The following HPSE2 variants were observed in gnomAD, a reference collection of about 807,000 sequenced individuals.
HPSE2 encodes inactive heparanase-2.
HPSE2 carries 38 observed loss-of-function variants against 60.5 expected under a neutral mutation model. The observed-to-expected ratio is 0.63, with a 90% CI of 0.48 to 0.82. The LOEUF (loss-of-function observed/expected upper bound fraction) is 0.82, where lower values mean the gene tolerates loss of function less well. Ranked by LOEUF, HPSE2 falls within the 40% of genes least tolerant of loss-of-function variation. The pLI, the probability that HPSE2 is intolerant of heterozygous loss-of-function variation, is 0.00. For missense variants in HPSE2, 713 were observed against 740.4 expected, an observed-to-expected ratio of 0.96 and a Z score of 0.43; for synonymous variants, 295 against 293.2, an observed-to-expected ratio of 1.01 and a Z score of -0.06.
chr10:98,493,907 G>A (rs1941744033), intron 9 of HPSE2, among the ~76,000 whole-genome samples: 1 of 151,918 alleles, frequency 6.6e-6, no homozygotes, highest in Admixed American at 6.6e-5. Flanking sequence ...ATATTTTTTA[G>A]TGAAATGTTT....
At position 98,689,579 on chromosome 10, in the gene HPSE2, C is replaced by T. The variant is rs985213857; in HGVS notation, c.1004+4321G>A. 3.9e-5 allele frequency among the ~76,000 whole-genome samples: 6 copies of T among 152,108 alleles called. No individual in the cohort carries two copies. In the East Asian group the frequency reaches 1.2e-3, roughly 29 times the overall value. ...AATCCTTGTCAGCTAATTCTAATAC[C>T]TGGGTCATCTCAAGGTTTCTATTTA... On this transcript the variant is annotated intron_variant, in intron 6 of 11. Transcript: ENST00000370552.
intron 6 of HPSE2, among the ~76,000 whole-genome samples, chr10:98,692,556 C>T (rs991704362): frequency 4.9e-4 from 74 of 152,136 alleles, no homozygotes; most frequent in Non-Finnish European, 2.9e-4. Context: ...ATCACGAGGT[C>T]AGGAGATCAA....
At chr10:99,173,742 G>A (rs767126297) in intron 2 of HPSE2, among the ~76,000 whole-genome samples, 12 of 151,924 alleles carry the variant, frequency 7.9e-5, no homozygotes, top group South Asian at 2.1e-4. Context: ...TCAGGAGTTC[G>A]AGACCAGCCT....
At chr10:99,014,444 G>T (rs1957089242) in intron 3 of HPSE2, among the ~76,000 whole-genome samples, 1 of 152,174 alleles carries the variant, frequency 6.6e-6, no homozygotes, top group Non-Finnish European at 1.5e-5. Context: ...ATAATAGAAT[G>T]CTTTGTATTC....
intron 2 of HPSE2, among the ~76,000 whole-genome samples, chr10:99,182,680 C>A (rs1441311176): frequency 2.0e-5 from 3 of 151,880 alleles, no homozygotes; most frequent in African/African-American, 2.4e-5. Flanking sequence ...TAACAGGAAC[C>A]AGATTAACCA....
At chr10:99,285,068 A>T in the HPSE2 span, among the ~76,000 whole-genome samples, 130,094 of 151,992 alleles carry the variant, frequency 0.86, 56,043 homozygotes, top group African/African-American at 0.92. Flanking sequence ...TTATTTTAGA[A>T]TCAGGGGCAC....
At chr10:98,827,363 G>A (rs575538367) in intron 3 of HPSE2, among the ~76,000 whole-genome samples, 11 of 151,726 alleles carry the variant, frequency 7.2e-5, no homozygotes, top group Admixed American at 1.3e-4. Flanking sequence ...GCACCACCAC[G>A]CCCGGCTAAT....
intron 3 of HPSE2, among the ~76,000 whole-genome samples, chr10:99,036,653 CA>C (rs1414118037): frequency 1.3e-5 from 2 of 152,076 alleles, no homozygotes; most frequent in African/African-American, 4.8e-5. Context: ...AGCATTAGAA[CA>C]CCACAATAAT....
intron 3 of HPSE2, among the ~76,000 whole-genome samples, chr10:98,792,628 T>C (rs1950680472): frequency 1.0e-5 from 1 of 98,216 alleles, no homozygotes; most frequent in Non-Finnish European, 2.1e-5. Context: ...CCCAGCTCCA[T>C]ACAAATTCCT....
chr10:98,726,726 C>T (rs1204170970), intron 4 of HPSE2, among the ~76,000 whole-genome samples: 2 of 151,592 alleles, frequency 1.3e-5, no homozygotes, highest in African/African-American at 4.8e-5. Flanking sequence ...TTGACAATCT[C>T]ACACATACTC....
At chr10:99,064,615 A>C (rs953598940) in intron 3 of HPSE2, among the ~76,000 whole-genome samples, 2 of 151,564 alleles carry the variant, frequency 1.3e-5, no homozygotes, top group African/African-American at 4.9e-5. Context: ...ATATATATAT[A>C]TATATATATC....
At chr10:98,655,221 G>T (rs571414456) in intron 6 of HPSE2, among the ~76,000 whole-genome samples, 39 of 152,030 alleles carry the variant, frequency 2.6e-4, no homozygotes, top group African/African-American at 8.9e-4. Context: ...ATAAGGCTTG[G>T]AGAGTTGGCT....
chr10:98,899,934 T>C (rs1338034059), intron 3 of HPSE2, among the ~76,000 whole-genome samples: 2 of 151,892 alleles, frequency 1.3e-5, no homozygotes, highest in Admixed American at 1.3e-4. Context: ...CAGGTGTGCA[T>C]CACCACGCCC....
chr10:98,910,561 C>G (rs143278502), intron 3 of HPSE2, among the ~76,000 whole-genome samples: 4 of 152,252 alleles, frequency 2.6e-5, no homozygotes, highest in African/African-American at 9.6e-5. Flanking sequence ...TCAGCAGCAG[C>G]ATCTTCCTAA....
At chr10:99,289,678 G>T in the HPSE2 span, among the ~76,000 whole-genome samples, 1 of 152,038 alleles carries the variant, frequency 6.6e-6, no homozygotes, top group African/African-American at 2.4e-5. Flanking sequence ...AACTTATGGT[G>T]CCCTACTTGC....
At chr10:98,483,619 C>T (rs770990051) in intron 10 of HPSE2, among the ~76,000 whole-genome samples, 6 of 152,122 alleles carry the variant, frequency 3.9e-5, no homozygotes, top group African/African-American at 9.7e-5. Context: ...TAAGTGATCG[C>T]GTGATTTGCT....
intron 3 of HPSE2, among the ~76,000 whole-genome samples, chr10:99,026,446 C>T (rs993138537): frequency 1.3e-5 from 2 of 152,002 alleles, no homozygotes; most frequent in Non-Finnish European, 2.9e-5. Flanking sequence ...GCACCCAACA[C>T]TGGAGCACCT....
chr10:98,874,085 C>T (rs1952807343), intron 3 of HPSE2, among the ~76,000 whole-genome samples: 2 of 151,290 alleles, frequency 1.3e-5, no homozygotes, highest in South Asian at 4.2e-4. Context: ...TTTTAAGTTC[C>T]TTGTAAATTC....
At chr10:99,142,439 C>T (rs895571418) in intron 3 of HPSE2, among the ~76,000 whole-genome samples, 2 of 152,134 alleles carry the variant, frequency 1.3e-5, no homozygotes, top group Admixed American at 1.3e-4. Context: ...CTTCCCAACA[C>T]CTGGAATCAA....
Sources: allele counts gnomAD v4.1 joint callset (sites outside exome capture counted in the v4.1 genomes callset), GRCh38; gene constraint gnomAD v4.1.1; transcripts MANE v1.5; gene names NCBI Gene and HGNC (gene_info 2026-07-23, HGNC 2026-07-21).